CCL18: variants seen among roughly 807,000 people sequenced by gnomAD.
CCL18 encodes C-C motif chemokine 18.
Under a neutral mutation model 8.0 loss-of-function variants are expected in CCL18, and 7 were observed. That is an observed-to-expected ratio of 0.87 (90% CI 0.50 to 1.64). CCL18 has a LOEUF of 1.64. CCL18 is among the 40% of genes most tolerant of loss of function. CCL18 has a pLI of 0.00. For missense variants in CCL18, 95 were observed against 107.8 expected (o/e 0.88, Z 0.52); for synonymous variants, 35 against 41.3 (o/e 0.85, Z 0.59).
Position 36,070,532 on chromosome 17 carries a change from C to A in CCL18, c.153C>A (p.Ser51Arg), listed in dbSNP as rs1199287825. The change falls in exon 2 of 3, where the codon AGC becomes AGA. Residue 51 changes from serine to arginine, a missense_variant. Transcript: ENST00000616054. Reference protein sequence around the residue: ...QKFIVDYSETSPQCPKPGVIL... With the variant: ...QKFIVDYSETRPQCPKPGVIL... ...TCATAGTTGACTATTCTGAAACCAG[C>A]CCCCAGTGCCCCAAGCCAGGTGTCA... The A allele has an allele frequency of 2.0e-5, 32 of 1,610,668 alleles. No homozygotes were observed. The highest frequency in any genetic ancestry group is 4.0e-5 in the African/African-American group (3 of 74,868).
intron 1 of CCL18, among the ~76,000 whole-genome samples, chr17:36,067,809 T>C (rs2066845237): frequency 6.6e-6 from 1 of 152,250 alleles, no homozygotes; most frequent in Non-Finnish European, 1.5e-5. Context: ...GAAAAGTCTT[T>C]TAATATTAAG....
Position 36,066,852 on chromosome 17 carries a change from A to T in CCL18, c.67+2443A>T, listed in dbSNP as rs114234016. On this transcript the variant is annotated intron_variant, in intron 1 of 2. Transcript: ENST00000616054. ...GTGAAAAGGACCATTACATCGTGTT[A>T]ATCGGAGTGCTTCTAAGAAATGCTT... 9.8e-3 allele frequency among the ~76,000 whole-genome samples: 1,500 copies of T among 152,334 alleles called. 39 individuals carry two copies. The highest frequency in any genetic ancestry group is 0.034 in the African/African-American group (1,394 of 41,568).
At chr17:36,070,264 C>A in intron 1 of CCL18, 183 bp from the exon 2 acceptor site, 1 of 535,430 alleles carries the variant, frequency 1.9e-6, no homozygotes, top group Non-Finnish European at 3.3e-6. Flanking sequence ...GAGAAAGATG[C>A]AGAAATTAAA....
chr17:36,069,545 T>C (rs1361294330), intron 1 of CCL18, among the ~76,000 whole-genome samples: 1 of 152,220 alleles, frequency 6.6e-6, no homozygotes, highest in Non-Finnish European at 1.5e-5. Flanking sequence ...AGTTTACCTA[T>C]GTAACAAGTC....
intron 1 of CCL18, among the ~76,000 whole-genome samples, chr17:36,066,618 C>T (rs538233352): frequency 6.6e-6 from 1 of 152,316 alleles, no homozygotes; most frequent in East Asian, 1.9e-4. Context: ...CTTGTTGGGG[C>T]TGAATGTGCA....
chr17:36,065,482 G>T (rs2066832180), intron 1 of CCL18, among the ~76,000 whole-genome samples: 1 of 152,152 alleles, frequency 6.6e-6, no homozygotes, highest in South Asian at 2.1e-4. Flanking sequence ...CCCATGGGTT[G>T]TCTCCTCCAT....
intron 2 of CCL18, 63 bp from the exon 3 acceptor site, chr17:36,070,888 C>A: frequency 8.2e-7 from 1 of 1,222,734 alleles, no homozygotes; most frequent in Non-Finnish European, 1.2e-6. Context: ...GAGAAGGACG[C>A]AGGGGCCACA....
chr17:36,070,928 A>G (rs765472579), intron 2 of CCL18, 23 bp from the exon 3 acceptor site: 1 of 1,568,732 alleles, frequency 6.4e-7, no homozygotes, highest in East Asian at 2.2e-5. Context: ...GTCAGTTCTT[A>G]ACTCTTCCTC....
rs535323825 is a variant in CCL18, at chr17:36,071,327, A to G, written c.*286A>G. On this transcript the variant is annotated 3_prime_UTR_variant, in exon 3 of 3. Coordinates refer to ENST00000616054, the MANE Select transcript of CCL18 (RefSeq NM_002988.4). ...TTCCCTTCAACTCTTCGTACATTCA[A>G]TGCATGGATCAATCAGTGTGATTAG... The G allele has an allele frequency of 1.5e-3, 582 of 394,636 alleles. 14 individuals are homozygous for G. In the South Asian group the frequency reaches 0.024, roughly 16 times the overall value. The allele number at this position is 394,636 out of a possible 1,614,324, so 24.4% of individuals were successfully genotyped here.
At chr17:36,066,331 T>C (rs1349818297) in intron 1 of CCL18, among the ~76,000 whole-genome samples, 1 of 152,040 alleles carries the variant, frequency 6.6e-6, no homozygotes, top group Non-Finnish European at 1.5e-5. Flanking sequence ...GGAGAGGAGA[T>C]GGAGGGCACC....
At chr17:36,067,368 T>C (rs2066842907) in intron 1 of CCL18, among the ~76,000 whole-genome samples, 1 of 152,144 alleles carries the variant, frequency 6.6e-6, no homozygotes, top group Non-Finnish European at 1.5e-5. Context: ...GTTTTTTGCA[T>C]ACAGATGTTT....
intron 1 of CCL18, among the ~76,000 whole-genome samples, chr17:36,068,667 G>C (rs1431469381): frequency 1.3e-5 from 2 of 152,090 alleles, no homozygotes; most frequent in Admixed American, 1.3e-4. Flanking sequence ...GTATGCTTGT[G>C]GATGAGACAT....
intron 1 of CCL18, among the ~76,000 whole-genome samples, chr17:36,068,196 C>A (rs564861092): frequency 6.6e-6 from 1 of 151,922 alleles, no homozygotes; most frequent in Non-Finnish European, 1.5e-5. Context: ...AAAATTAAAA[C>A]CTGTATCATG....
At chr17:36,068,586 T>A (rs1319109816) in intron 1 of CCL18, among the ~76,000 whole-genome samples, 1 of 152,212 alleles carries the variant, frequency 6.6e-6, no homozygotes, top group Non-Finnish European at 1.5e-5. Flanking sequence ...ACATAACAAA[T>A]CATATAAAAA....
At chr17:36,065,172 C>A (rs1023126952) in intron 1 of CCL18, among the ~76,000 whole-genome samples, 1 of 152,152 alleles carries the variant, frequency 6.6e-6, no homozygotes, top group African/African-American at 2.4e-5. Context: ...AAATTAAAAT[C>A]CTATGATATA....
At chr17:36,067,948 T>C (rs2076962098) in intron 1 of CCL18, among the ~76,000 whole-genome samples, 1 of 152,242 alleles carries the variant, frequency 6.6e-6, no homozygotes, top group Admixed American at 6.5e-5. Context: ...TGTTTAGATA[T>C]GCAAATACTT....
At chr17:36,068,088 T>A (rs1385482901) in intron 1 of CCL18, among the ~76,000 whole-genome samples, 2 of 152,182 alleles carry the variant, frequency 1.3e-5, no homozygotes, top group East Asian at 3.8e-4. Context: ...TTTGTGTAAG[T>A]CTATGATATT....
intron 1 of CCL18, 98 bp downstream of exon 1, chr17:36,064,507 G>C (rs2066827252): frequency 1.1e-6 from 1 of 892,698 alleles, no homozygotes; most frequent in Non-Finnish European, 1.8e-6. Flanking sequence ...TGAAATTAGG[G>C]ATCCTCAAAT....
chr17:36,068,445 A>G (rs1006555547), intron 1 of CCL18, among the ~76,000 whole-genome samples: 1 of 151,982 alleles, frequency 6.6e-6, no homozygotes, highest in African/African-American at 2.4e-5. Context: ...GTAGAAAAAA[A>G]CTCTCACATT....
Sources: gnomAD v4.1 joint callset for allele counts (sites outside exome capture counted in the v4.1 genomes callset) on GRCh38, gnomAD v4.1.1 for gene constraint, MANE v1.5 for transcripts, NCBI Gene and HGNC (gene_info 2026-07-23, HGNC 2026-07-21) for gene names.